TMEM131: variants seen among roughly 807,000 people sequenced by gnomAD.
The protein encoded by TMEM131 is transmembrane protein 131.
A neutral mutation model predicts 211.6 loss-of-function variants in TMEM131; 66 were observed. The ratio of observed to expected loss-of-function variants is 0.31; its 90% CI spans 0.26 to 0.38. The LOEUF (loss-of-function observed/expected upper bound fraction) is 0.38, where lower values mean the gene tolerates loss of function less well. Ranked by LOEUF, TMEM131 falls within the 10% of genes least tolerant of loss-of-function variation. The pLI is 1.00. For synonymous variants in TMEM131, 844 were observed against 841.3 expected (o/e 1.00, Z -0.06); for missense variants, 2,036 against 2,299.3 (o/e 0.89, Z 2.34).
At chr2:97,869,362 C>G (rs182984288) in intron 4 of TMEM131, among the ~76,000 whole-genome samples, 1 of 152,316 alleles carries the variant, frequency 6.6e-6, no homozygotes, top group African/African-American at 2.4e-5. Context: ...AGCCTGGAAG[C>G]AGGAGTGGAT....
intron 11 of TMEM131, among the ~76,000 whole-genome samples, chr2:97,827,068 C>CA (rs66841026): frequency 0.038 from 3,540 of 93,450 alleles, 74 homozygotes; most frequent in Admixed American, 0.092. Context: ...AAGTGATAAG[C>CA]AAAAAAAAAA....
At chr2:97,794,012 A>AC (rs1680637626) in intron 29 of TMEM131, among the ~76,000 whole-genome samples, 1 of 149,482 alleles carries the variant, frequency 6.7e-6, no homozygotes, top group Admixed American at 6.7e-5. Context: ...AAAAAAAAAA[A>AC]AAACAAAAAA....
chr2:97,954,016 T>C (rs1174802708), intron 1 of TMEM131, among the ~76,000 whole-genome samples: 3 of 152,126 alleles, frequency 2.0e-5, no homozygotes, highest in African/African-American at 4.8e-5. Flanking sequence ...AAAAAACAGT[T>C]CTGACCGAAA....
chr2:97,759,605 C>T (rs748720952), intron 39 of TMEM131, 47 bp downstream of exon 39: 9 of 1,484,654 alleles, frequency 6.1e-6, no homozygotes, highest in Non-Finnish European at 8.4e-6. Context: ...CTCTCCCTTC[C>T]TCTGTCCACA....
Position 97,815,265 on chromosome 2 carries a change from G to C in TMEM131, c.1226C>G (p.Thr409Arg). The C allele has an allele frequency of 6.4e-7, 1 of 1,573,598 alleles. No homozygotes were observed. Among genetic ancestry groups the C allele is most frequent in the Non-Finnish European group, 8.6e-7 (1 of 1,168,830 alleles). The change falls in exon 13 of 41, where the codon ACA becomes AGA. Residue 409 changes from threonine (T) to arginine (R), a missense_variant. Thr to Arg is a moderately conservative substitution (Grantham distance 71). Transcript: ENST00000186436. The stretch of plus-strand genomic sequence containing the variant: ...ATAACTCTTTTCCTTTGCTTTAACT[G>C]TTATTTTCCCAGAAAACTGAGATGG... ...KKPSQFSGKI[T>R]VKAKEKSYSK...
intron 4 of TMEM131, among the ~76,000 whole-genome samples, chr2:97,863,236 T>C (rs1274782246): frequency 6.6e-6 from 1 of 152,200 alleles, no homozygotes; most frequent in Non-Finnish European, 1.5e-5. Context: ...CTGAGGGATT[T>C]CACTAACATC....
intron 2 of TMEM131, among the ~76,000 whole-genome samples, chr2:97,925,895 G>C (rs979665653): frequency 6.6e-5 from 10 of 152,034 alleles, no homozygotes; most frequent in African/African-American, 2.4e-4. Flanking sequence ...CGGATCATGA[G>C]GTCAGGAGAT....
chr2:97,969,925 GT>G (rs1209913697), intron 1 of TMEM131, among the ~76,000 whole-genome samples: 1 of 152,214 alleles, frequency 6.6e-6, no homozygotes, highest in Non-Finnish European at 1.5e-5. Flanking sequence ...ATGTGGAGTT[GT>G]TCAGGGTCCC....
At chr2:97,987,072 T>A (rs1379646160) in intron 1 of TMEM131, among the ~76,000 whole-genome samples, 2 of 152,272 alleles carry the variant, frequency 1.3e-5, no homozygotes, top group African/African-American at 2.4e-5. Flanking sequence ...AAGTTGGCTA[T>A]GCTATTTCTC....
intron 1 of TMEM131, among the ~76,000 whole-genome samples, chr2:97,946,227 T>C (rs1678033219): frequency 6.6e-6 from 1 of 152,038 alleles, no homozygotes; most frequent in Admixed American, 6.5e-5. Context: ...AAGTAATCCA[T>C]ATCTTGTTTT....
At chr2:97,911,379 C>T (rs1453840477) in intron 2 of TMEM131, among the ~76,000 whole-genome samples, 1 of 152,170 alleles carries the variant, frequency 6.6e-6, no homozygotes, top group Non-Finnish European at 1.5e-5. Context: ...AATAATTTCA[C>T]AGGTACATAA....
At chr2:97,858,852 G>A (rs560612486) in intron 5 of TMEM131, among the ~76,000 whole-genome samples, 2 of 152,320 alleles carry the variant, frequency 1.3e-5, no homozygotes, top group Admixed American at 6.5e-5. Context: ...TCCCCTCAGA[G>A]CCTCTGGACA....
intron 1 of TMEM131, among the ~76,000 whole-genome samples, chr2:97,976,157 C>G (rs1172792443): frequency 1.3e-5 from 2 of 152,104 alleles, no homozygotes; most frequent in Non-Finnish European, 2.9e-5. Context: ...ACAGAGATGT[C>G]CACTTTTACT....
At chr2:97,930,360 G>A (rs963062870) in intron 1 of TMEM131, among the ~76,000 whole-genome samples, 2 of 151,756 alleles carry the variant, frequency 1.3e-5, no homozygotes, top group African/African-American at 2.4e-5. Flanking sequence ...CATAAAGGCA[G>A]TAGTTTGGGT....
chr2:97,775,889 G>C lies in TMEM131; in HGVS notation c.4274C>G (p.Thr1425Ser), dbSNP rs772792937. The C allele has an allele frequency of 5.0e-6, 8 of 1,613,992 alleles. No individual in the cohort carries two copies. The highest frequency in any genetic ancestry group is 6.8e-6 in the Non-Finnish European group (8 of 1,179,888). ...GTCAGGGTTGGAGGTCTCTGTGGTG[G>C]TGGAGGAGCTATCATCATCAGCCAA... ...DSLADDDSSS[T>S]TTETSNPDTE... Residue 1425 changes from threonine (T) to serine (S), a missense_variant, in exon 32 of 41, where the codon ACC becomes AGC. By Grantham distance (58) the Thr-to-Ser change is moderately conservative (BLOSUM62 1). This residue lies in a region of TMEM131 where 1,623 missense variants were observed against 1,805.9 expected (regional missense o/e 0.90). Transcript: ENST00000186436.
rs779189031 is a variant in TMEM131 at position 97,943,007 on chromosome 2, G to GAAAGAAAAGAAAAGA, written c.188-15535_188-15521dup. Among the ~76,000 whole-genome samples the GAAAGAAAAGAAAAGA allele has an allele frequency of 1.0e-3, 65 of 63,090 alleles. 2 individuals are homozygous for GAAAGAAAAGAAAAGA. The highest frequency in any genetic ancestry group is 3.0e-3 in the South Asian group (7 of 2,334). 41.4% of individuals were successfully genotyped at this position (63,090 alleles called of 152,430 possible). ...AAGAAAAGAAAGAAAAGAAAGAAAAGAAAGAAAAGAAAAGAAAAGAAAAGA... is the reference window on the plus strand; with the variant it reads ...AAGAAAAGAAAGAAAAGAAAGAAAAGAAAGAAAAGAAAAGAAAAGAAAAGAAAAGAAAAGAAAAGA... On this transcript the variant is annotated intron_variant, in intron 1 of 40. Coordinates refer to ENST00000186436, the MANE Select transcript of TMEM131 (RefSeq NM_015348.2).
chr2:97,835,142 A>G (rs1038251080), intron 8 of TMEM131, among the ~76,000 whole-genome samples: 3 of 152,270 alleles, frequency 2.0e-5, no homozygotes, highest in African/African-American at 4.8e-5. Context: ...ATGAAATACG[A>G]TATGTAAGGT....
chr2:97,785,064 G>A (rs1012009116), intron 31 of TMEM131, among the ~76,000 whole-genome samples: 1 of 152,104 alleles, frequency 6.6e-6, no homozygotes, highest in African/African-American at 2.4e-5. Flanking sequence ...ACAACTCACT[G>A]AATATGAAAC....
At chr2:97,885,974 T>C (rs991295424) in intron 4 of TMEM131, among the ~76,000 whole-genome samples, 8 of 152,186 alleles carry the variant, frequency 5.3e-5, no homozygotes, top group Non-Finnish European at 1.2e-4. Flanking sequence ...TTTTTCTTTT[T>C]TTGTCTGCCT....
Sources: allele counts gnomAD v4.1 joint callset (sites outside exome capture counted in the v4.1 genomes callset), GRCh38; gene constraint gnomAD v4.1.1; regional missense constraint gnomAD v4.1.1; transcripts MANE v1.5; gene names NCBI Gene and HGNC (gene_info 2026-07-23, HGNC 2026-07-21).